DDX11: variants seen among roughly 807,000 people sequenced by gnomAD.
DDX11 encodes the protein ATP-dependent DNA helicase DDX11.
DDX11 carries 72 observed loss-of-function variants against 125.2 expected under a neutral mutation model. The ratio of observed to expected loss-of-function variants is 0.58; its 90% CI spans 0.48 to 0.70. The LOEUF (loss-of-function observed/expected upper bound fraction) is 0.70. Ranked by LOEUF, DDX11 falls within the 30% of genes least tolerant of loss-of-function variation. DDX11 has a pLI of 0.00. For missense variants in DDX11, 883 were observed against 1,165.0 expected (o/e 0.76, Z 3.52); for synonymous variants, 347 against 452.6 (o/e 0.77, Z 2.96).
Position 31,089,141 on chromosome 12 carries a change from G to A in DDX11, c.782G>A (p.Gly261Asp), listed in dbSNP as rs1169571267. ...AAGGATGTTCGGCTGGTCTCCCTTGGCTCCCGGCAGGTAAACAGTAGCCAG... is the reference window on the plus strand; with the variant it reads ...AAGGATGTTCGGCTGGTCTCCCTTGACTCCCGGCAGGTAAACAGTAGCCAG... ...FGKDVRLVSLGSRQNLCVNED... is the reference protein window; with the variant it reads ...FGKDVRLVSLDSRQNLCVNED... Residue 261 changes from glycine to aspartate, a missense_variant, in exon 7 of 27, where the codon GGC becomes GAC. This residue lies in a region of DDX11 where 283 missense variants were observed against 359.6 expected (regional missense o/e 0.79). Coordinates refer to ENST00000542838, the MANE Select transcript of DDX11 (RefSeq NM_030653.4). 5.0e-6 allele frequency: 8 copies of A among 1,613,688 alleles called. No homozygotes were observed. Among genetic ancestry groups the A allele is most frequent in the African/African-American group, 4.0e-5 (3 of 74,912 alleles).
rs774867268 is a variant in DDX11 at position 31,103,677 on chromosome 12, A to AG, written c.2638dup (p.Ala880GlyfsTer94). 141 of 1,613,914 alleles carry AG rather than the reference A, an allele frequency of 8.7e-5. No homozygotes were observed. Among genetic ancestry groups the AG allele is most frequent in the Middle Eastern group, 1.7e-4 (1 of 5,992 alleles). ...TGGCCAAGCTGCCGGCCTGGATCCG[A>AG]GCCCGTGTGGAGGTCAAAGCTACCT... On this transcript the variant is annotated frameshift_variant, in exon 26 of 27. Transcript: ENST00000542838. LOFTEE classifies it high-confidence loss of function.
At chr12:31,097,687 A>AAG (rs1186221567) in intron 17 of DDX11, among the ~76,000 whole-genome samples, 198 bp from the exon 18 acceptor site, 2 of 151,670 alleles carry the variant, frequency 1.3e-5, no homozygotes, top group African/African-American at 4.9e-5. Context: ...CTCAAAAAAA[A>AAG]AAAAAAAAAA....
intron 3 of DDX11, among the ~76,000 whole-genome samples, 200 bp downstream of exon 3, chr12:31,084,261 A>C (rs1438180513): frequency 6.6e-6 from 1 of 152,140 alleles, no homozygotes; most frequent in Admixed American, 6.5e-5. Flanking sequence ...CCTTCTCCAC[A>C]TAAGGAACTG....
chr12:31,091,877 T>C lies in DDX11; in HGVS notation c.1242+6T>C, dbSNP rs775267412. ...TGGAGGTCAGCGGCTCCCAGGTGTG[T>C]GGGCCTCCCCTCCCCGGGCCAGGGC... On this transcript the variant is annotated splice_donor_region_variant and intron_variant, in intron 10 of 26. Coordinates refer to ENST00000542838, the MANE Select transcript of DDX11 (RefSeq NM_030653.4). The C allele has an allele frequency of 1.6e-5, 26 of 1,613,454 alleles. No homozygotes were observed. Among genetic ancestry groups the C allele is most frequent in the Non-Finnish European group, 1.5e-5 (18 of 1,179,826 alleles).
At chr12:31,097,422 A>G (rs4031284) in intron 17 of DDX11, among the ~76,000 whole-genome samples, 18 of 133,314 alleles carry the variant, frequency 1.4e-4, no homozygotes, top group East Asian at 2.6e-4. Flanking sequence ...GCTCACGCCT[A>G]TAATCCCAGC....
chr12:31,103,837 T>C lies in DDX11; in HGVS notation c.*1T>C. 6.2e-7 allele frequency: 1 copy of C among 1,613,968 alleles called. No homozygotes were observed. The highest frequency in any genetic ancestry group is 8.5e-7 in the Non-Finnish European group (1 of 1,179,876). Reference sequence around the variant, plus strand: ...CCGGGAGAAGTCGGCCTCTTCCTGATGGGCAACCACACCACTGCCTGGCGC... The same window carrying C: ...CCGGGAGAAGTCGGCCTCTTCCTGACGGGCAACCACACCACTGCCTGGCGC... On this transcript the variant is annotated 3_prime_UTR_variant, in exon 27 of 27. Transcript: ENST00000542838.
rs1946516292 is a variant in DDX11 at position 31,102,261 on chromosome 12, A to G, written c.2221A>G (p.Ser741Gly). 6.2e-7 allele frequency: 1 copy of G among 1,613,936 alleles called. No homozygotes were observed. The highest frequency in any genetic ancestry group is 1.3e-5 in the African/African-American group (1 of 74,916). ...TTCTCAGATATTCCAGGAACCTAAG[A>G]GCGCACACCAGGTGGAGCAGGTGCT... ...ARKKIFQEPKSAHQVEQVLLA... is the reference protein window; with the variant it reads ...ARKKIFQEPKGAHQVEQVLLA... The change falls in exon 22 of 27, where the codon AGC (serine) becomes GGC (glycine). Residue 741 changes from serine to glycine, a missense_variant. Transcript: ENST00000542838.
chr12:31,093,547 C>G (rs1434824780), intron 12 of DDX11: 1 of 614,016 alleles, frequency 1.6e-6, no homozygotes, highest in Non-Finnish European at 2.9e-6. Flanking sequence ...GAAATCCCAT[C>G]TCTACTAAAA....
Position 31,083,963 on chromosome 12 carries a change from G to T in DDX11, c.295G>T (p.Glu99Ter), listed in dbSNP as rs775958681. The change falls in exon 3 of 27, where the codon GAA becomes TAA. Residue 99 changes from glutamate (E) to a stop codon, truncating the protein, a stop_gained. Transcript: ENST00000542838. LOFTEE classifies it high-confidence loss of function. ...ATCCCTGTGTCTGTCTTCTTCCTGC[G>T]AAGGGGCTGCAGGCACCCCGAGGCC... ...DESLCLSSSC[E>*]GAAGTPRPAG... 2.2e-5 allele frequency: 36 copies of T among 1,613,794 alleles called. No homozygotes were observed. Among genetic ancestry groups the T allele is most frequent in the Non-Finnish European group, 3.0e-5 (35 of 1,179,866 alleles).
In DDX11 at chr12:31,084,664, C is replaced by T. The variant is rs376187805; in HGVS notation, c.475C>T (p.Arg159Cys). 6.3e-6 allele frequency: 10 copies of T among 1,583,830 alleles called. No individual in the cohort carries two copies. The highest frequency in any genetic ancestry group is 4.6e-5 in the East Asian group (2 of 43,594). The change falls in exon 4 of 27, where the codon CGC (arginine) becomes TGC (cysteine). Residue 159 changes from arginine to cysteine, a missense_variant. By Grantham distance (180) the Arg-to-Cys change is radical. Coordinates refer to ENST00000542838, the MANE Select transcript of DDX11 (RefSeq NM_030653.4). ...HRVQLKYAAK[R>C]LRQEEEEREN... ...GGTGCAGCTCAAGTATGCAGCCAAG[C>T]GCCTGGTGAGCCTCATTTCTTGGGG...
intron 4 of DDX11, 34 bp downstream of exon 4, chr12:31,084,703 C>G (rs750184446): frequency 3.1e-5 from 48 of 1,558,626 alleles, no homozygotes; most frequent in African/African-American, 1.5e-4. Flanking sequence ...AGGATTATGT[C>G]CAGGCAGGGT....
intron 2 of DDX11, 130 bp downstream of exon 2, chr12:31,078,667 T>G: frequency 7.1e-7 from 1 of 1,404,970 alleles, no homozygotes; most frequent in Middle Eastern, 2.5e-4. Flanking sequence ...ATCTGAGTAA[T>G]AGTCACTTCC....
At chr12:31,077,737 G>A (rs536898653) in intron 1 of DDX11, among the ~76,000 whole-genome samples, 8 of 151,836 alleles carry the variant, frequency 5.3e-5, no homozygotes, top group Non-Finnish European at 1.2e-4. Context: ...CCAGCTACTC[G>A]GGAGGCTGAG....
At chr12:31,089,601 C>T (rs895447098) in intron 8 of DDX11, 111 bp downstream of exon 8, 5 of 1,208,028 alleles carry the variant, frequency 4.1e-6, no homozygotes, top group East Asian at 2.5e-5. Context: ...GCAGAGGAGA[C>T]CCCAGTTCCT....
chr12:31,099,501 T>C (rs1250281656), intron 18 of DDX11, among the ~76,000 whole-genome samples: 1 of 151,302 alleles, frequency 6.6e-6, no homozygotes, highest in Admixed American at 6.6e-5. Flanking sequence ...TATCCTATAA[T>C]ATACTTAAAA....
At chr12:31,093,720 C>CAAAAA (rs71052461) in intron 12 of DDX11, 2,140 of 56,138 alleles carry the variant, frequency 0.038, 110 homozygotes, top group African/African-American at 0.088. Flanking sequence ...GAATCAGTCT[C>CAAAAA]AAAAAAAAAA....
At chr12:31,099,370 C>T (rs548476323) in intron 18 of DDX11, among the ~76,000 whole-genome samples, 2 of 152,158 alleles carry the variant, frequency 1.3e-5, no homozygotes, top group South Asian at 2.1e-4. Context: ...TGAGCCACCA[C>T]GCCTGGCCCA....
rs777629592 is a variant in DDX11, at chr12:31,089,071, C to T, written c.712C>T (p.Gln238Ter). 2 of 1,613,996 alleles carry T rather than the reference C, an allele frequency of 1.2e-6. No individual in the cohort carries two copies. The highest frequency in any genetic ancestry group is 2.2e-5 in the South Asian group (2 of 91,078). The change falls in exon 7 of 27, where the codon CAG becomes TAG. Residue 238 changes from glutamine (Q) to a stop codon, truncating the protein, a stop_gained. Coordinates refer to ENST00000542838, the MANE Select transcript of DDX11 (RefSeq NM_030653.4). LOFTEE classifies it high-confidence loss of function. ...TTATTACTGTAGTCGGACACACTCC[C>T]AGCTGGCCCAGTTTGTGCATGAGGT... ...KIYYCSRTHSQLAQFVHEVKK... is the reference protein window; with the variant it reads ...KIYYCSRTHS
chr12:31,080,186 T>C (rs1010375900), intron 2 of DDX11, among the ~76,000 whole-genome samples: 2 of 148,870 alleles, frequency 1.3e-5, no homozygotes, highest in African/African-American at 5.0e-5. Context: ...TCTGTGGGAT[T>C]TTCCCTAGAG....
Sources: allele counts gnomAD v4.1 joint callset (sites outside exome capture counted in the v4.1 genomes callset), GRCh38; gene constraint gnomAD v4.1.1; regional missense constraint gnomAD v4.1.1; transcripts MANE v1.5; gene names NCBI Gene and HGNC (gene_info 2026-07-23, HGNC 2026-07-21).